Variants in LARGE1 observed in about 807,000 individuals in gnomAD.
LARGE1 encodes LARGE xylosyl- and glucuronyltransferase 1.
LARGE1 carries 43 observed loss-of-function variants against 87.6 expected under a neutral mutation model. That is an observed-to-expected ratio of 0.49 (90% confidence interval 0.38 to 0.63). The LOEUF is 0.63. LARGE1 is among the 30% of genes least tolerant of loss of function. The pLI is 0.00. For synonymous variants in LARGE1, 434 were observed against 394.6 expected (o/e 1.10, Z -1.18); for missense variants, 802 against 1,000.2 (o/e 0.80, Z 2.67).
the LARGE1 span, among the ~76,000 whole-genome samples, chr22:33,115,815 C>CAAAAA: frequency 4.6e-4 from 45 of 97,942 alleles, 1 homozygote; most frequent in African/African-American, 1.8e-3. Context: ...GACTCTGTCT[C>CAAAAA]AAAAAAAAAA....
At chr22:33,351,482 C>G (rs1014381657) in intron 9 of LARGE1, among the ~76,000 whole-genome samples, 1 of 151,936 alleles carries the variant, frequency 6.6e-6, no homozygotes, top group African/African-American at 2.4e-5. Flanking sequence ...TTAAAATAAC[C>G]CTCACAAAAT....
At chr22:33,391,936 A>G (rs898038348) in intron 7 of LARGE1, among the ~76,000 whole-genome samples, 1 of 151,500 alleles carries the variant, frequency 6.6e-6, no homozygotes, top group East Asian at 2.0e-4. Flanking sequence ...CACCCAGCTA[A>G]TTTTTTGTAT....
At chr22:33,467,440 C>A (rs1033519676) in intron 6 of LARGE1, among the ~76,000 whole-genome samples, 1 of 152,184 alleles carries the variant, frequency 6.6e-6, no homozygotes, top group African/African-American at 2.4e-5. Flanking sequence ...GAGGCAGAAT[C>A]CAGAGAGAAG....
chr22:33,076,719 T>A, the LARGE1 span, among the ~76,000 whole-genome samples: 2 of 152,212 alleles, frequency 1.3e-5, no homozygotes, highest in Admixed American at 6.5e-5. Context: ...TATCCATATG[T>A]CTATAAACAA....
chr22:33,626,381 T>G, intron 3 of LARGE1, 55 bp from the exon 4 acceptor site: 1 of 1,405,324 alleles, frequency 7.1e-7, no homozygotes, highest in Non-Finnish European at 1.0e-6. Flanking sequence ...GAGGCCTTCC[T>G]GGTGCTTCAG....
the LARGE1 span, among the ~76,000 whole-genome samples, chr22:33,119,865 G>T: frequency 2.0e-5 from 3 of 152,062 alleles, no homozygotes; most frequent in African/African-American, 4.8e-5. Flanking sequence ...GGCCTTGGCT[G>T]CCCTGTCTGC....
chr22:33,533,501 A>C (rs2076955130), intron 6 of LARGE1, among the ~76,000 whole-genome samples: 1 of 152,196 alleles, frequency 6.6e-6, no homozygotes, highest in Non-Finnish European at 1.5e-5. Context: ...GATGAGGCTA[A>C]TAGAAGCTGC....
the LARGE1 span, among the ~76,000 whole-genome samples, chr22:33,150,576 A>G: frequency 1.3e-5 from 2 of 152,212 alleles, no homozygotes; most frequent in South Asian, 2.1e-4. Context: ...CATCATTAGG[A>G]GGCCATTCTG....
At chr22:33,914,264 C>T (rs1444060428) in intron 1 of LARGE1, among the ~76,000 whole-genome samples, 1 of 152,142 alleles carries the variant, frequency 6.6e-6, no homozygotes, top group Admixed American at 6.5e-5. Context: ...TGTATCTACC[C>T]AATTGCTCTT....
intron 7 of LARGE1, among the ~76,000 whole-genome samples, chr22:33,396,310 C>T (rs2065738351): frequency 6.6e-6 from 1 of 152,202 alleles, no homozygotes; most frequent in South Asian, 2.1e-4. Flanking sequence ...TTATTAAAAA[C>T]CACTTAATTT....
chr22:33,756,128 A>G (rs1473404934), intron 2 of LARGE1, among the ~76,000 whole-genome samples: 1 of 152,148 alleles, frequency 6.6e-6, no homozygotes, highest in African/African-American at 2.4e-5. Flanking sequence ...TAGGTTGGGG[A>G]AAAAACAATT....
In LARGE1 at chr22:33,886,944, G is replaced by A. The variant is rs142113162; in HGVS notation, c.-83+33051C>T. Among the ~76,000 whole-genome samples the A allele has an allele frequency of 6.0e-4, 91 of 152,164 alleles. No individual in the cohort carries two copies. In the East Asian group the frequency reaches 0.017, roughly 28 times the overall value. On this transcript the variant is annotated intron_variant, in intron 1 of 14. Coordinates refer to ENST00000397394, the MANE Select transcript of LARGE1 (RefSeq NM_133642.5). Reference sequence around the variant, plus strand: ...CCCATAAAAGCCTATAAAGTCAACTGGGAAAAGTGCCTCGCAGGGCTTTAC... The same window carrying A: ...CCCATAAAAGCCTATAAAGTCAACTAGGAAAAGTGCCTCGCAGGGCTTTAC...
At position 33,549,294 on chromosome 22, in the gene LARGE1, A is replaced by G. The variant is rs192114191; in HGVS notation, c.787+15554T>C. ...ATTAGATGCTTCTAATAATCTATGT[A>G]TATGCATTTAGGAGGAAAAAAAAGT... On this transcript the variant is annotated intron_variant, in intron 6 of 14. Coordinates refer to ENST00000397394, the MANE Select transcript of LARGE1 (RefSeq NM_133642.5). 1.8e-4 allele frequency among the ~76,000 whole-genome samples: 27 copies of G among 152,334 alleles called. No homozygotes were observed. The East Asian group carries it at 2.5e-3, about 14-fold the overall frequency.
intron 1 of LARGE1, among the ~76,000 whole-genome samples, chr22:33,824,115 C>T (rs1019901329): frequency 6.6e-6 from 1 of 152,168 alleles, no homozygotes; most frequent in Non-Finnish European, 1.5e-5. Flanking sequence ...ATGCCACATG[C>T]CCGATTGAGT....
At chr22:33,510,298 T>G (rs2070995585) in intron 6 of LARGE1, among the ~76,000 whole-genome samples, 2 of 152,226 alleles carry the variant, frequency 1.3e-5, no homozygotes, top group African/African-American at 4.8e-5. Flanking sequence ...AAGTCTCCTC[T>G]AAGCATTTTA....
intron 2 of LARGE1, chr22:33,746,422 G>A (rs2084085809): frequency 6.6e-6 from 1 of 152,128 alleles, no homozygotes; most frequent in Non-Finnish European, 1.5e-5. Context: ...CAGGTATTTT[G>A]CCAAAGACTA....
chr22:33,346,191 A>G (rs1470049242), intron 9 of LARGE1, among the ~76,000 whole-genome samples: 1 of 150,884 alleles, frequency 6.6e-6, no homozygotes, highest in African/African-American at 2.4e-5. Context: ...GAATGTCCTT[A>G]TTTTCTCTCT....
chr22:33,257,578 C>T (rs756349601), intron 11 of LARGE1, among the ~76,000 whole-genome samples: 11 of 152,102 alleles, frequency 7.2e-5, no homozygotes, highest in African/African-American at 1.7e-4. Context: ...TAGGAGATAA[C>T]GCATCTGCCC....
intron 10 of LARGE1, among the ~76,000 whole-genome samples, chr22:33,331,552 C>T (rs1296743073): frequency 6.6e-6 from 1 of 151,964 alleles, no homozygotes; most frequent in Admixed American, 6.6e-5. Flanking sequence ...GGATTACAGA[C>T]ATGTGCCACC....
Sources: allele counts gnomAD v4.1 joint callset (sites outside exome capture counted in the v4.1 genomes callset), GRCh38; gene constraint gnomAD v4.1.1; transcripts MANE v1.5; gene names NCBI Gene and HGNC (gene_info 2026-07-23, HGNC 2026-07-21).